The following TTC39C variants were observed in gnomAD, a reference collection of about 807,000 sequenced individuals.
The protein encoded by TTC39C is tetratricopeptide repeat domain 39C, also known as tetratricopeptide repeat protein 39C.
TTC39C carries 33 observed loss-of-function variants against 76.3 expected under a neutral mutation model. The observed-to-expected ratio is 0.43, with a 90% CI of 0.33 to 0.58. The LOEUF (loss-of-function observed/expected upper bound fraction) is 0.58, where lower values mean the gene tolerates loss of function less well. Among genes scored for constraint, TTC39C ranks in the 20% least tolerant of loss-of-function variants. The probability of loss-of-function intolerance (pLI) is 0.04; values close to 1 mark genes in which losing one functional copy is unlikely to be tolerated. For synonymous variants in TTC39C, 254 were observed against 260.6 expected (o/e 0.97, Z 0.24); for missense variants, 595 against 701.4 (o/e 0.85, Z 1.71).
intron 8 of TTC39C, among the ~76,000 whole-genome samples, chr18:24,123,149 G>A (rs1424288698): frequency 1.3e-5 from 2 of 152,052 alleles, no homozygotes; most frequent in Non-Finnish European, 2.9e-5. Flanking sequence ...TGATCCTCGG[G>A]GCTCTTCATT....
intron 2 of TTC39C, among the ~76,000 whole-genome samples, chr18:24,065,318 C>G (rs1160228799): frequency 6.6e-6 from 1 of 152,162 alleles, no homozygotes; most frequent in Non-Finnish European, 1.5e-5. Flanking sequence ...TTCCAAGAAC[C>G]AGGTATCCCG....
At chr18:23,997,277 G>A (rs2083269097) in intron 1 of TTC39C, among the ~76,000 whole-genome samples, 1 of 151,256 alleles carries the variant, frequency 6.6e-6, no homozygotes, top group South Asian at 2.1e-4. Flanking sequence ...AAGGCCAGGT[G>A]CAGTGGCTCA....
chr18:24,132,498 G>T lies in TTC39C; in HGVS notation c.1676G>T (p.Gly559Val), dbSNP rs1180955771. 5.0e-6 allele frequency: 8 copies of T among 1,613,908 alleles called. No homozygotes were observed. Among genetic ancestry groups the T allele is most frequent in the Non-Finnish European group, 5.9e-6 (7 of 1,179,976 alleles). ...TTGATCTTACAGGAGGATTTCTCTG[G>T]CTACGACTTTGAAAACAGATTGCAT... is the stretch of plus-strand genomic sequence containing the variant. ...LLLQAKEDFSGYDFENRLHVR... is the reference protein window; with the variant it reads ...LLLQAKEDFSVYDFENRLHVR... Residue 559 changes from glycine to valine, a missense_variant, in exon 14 of 14, where the codon GGC (glycine) becomes GTC (valine). Gly to Val is a moderately radical substitution (Grantham distance 109, BLOSUM62 -3). Transcript: ENST00000317571.
chr18:24,075,437 A>G (rs1285771036), intron 4 of TTC39C, among the ~76,000 whole-genome samples: 1 of 152,120 alleles, frequency 6.6e-6, no homozygotes, highest in Admixed American at 6.5e-5. Flanking sequence ...GGCTCCTAGC[A>G]CTTTGGGAGG....
intron 4 of TTC39C, among the ~76,000 whole-genome samples, chr18:24,075,810 G>A (rs555734818): frequency 1.6e-4 from 24 of 151,960 alleles, no homozygotes; most frequent in African/African-American, 5.5e-4. Flanking sequence ...TTTAATAGAT[G>A]CTTGCACCAG....
At chr18:24,000,694 A>G (rs1002801363) in intron 1 of TTC39C, 1 of 152,226 alleles carries the variant, frequency 6.6e-6, no homozygotes, top group East Asian at 1.9e-4. Flanking sequence ...CTGTGCAGTC[A>G]CACAGTCACA....
At chr18:24,073,545 A>G (rs980629619) in intron 4 of TTC39C, among the ~76,000 whole-genome samples, 4 of 150,904 alleles carry the variant, frequency 2.7e-5, no homozygotes, top group African/African-American at 9.7e-5. Flanking sequence ...TTTTTTTTTA[A>G]GAGGCAAGGT....
chr18:24,009,930 A>G (rs1308696079), upstream of TTC39C, among the ~76,000 whole-genome samples: 1 of 152,246 alleles, frequency 6.6e-6, no homozygotes, highest in Admixed American at 6.5e-5. Flanking sequence ...GTGTCCTCTC[A>G]GAGACACACA....
At chr18:24,058,950 A>G (rs1043798983) in intron 1 of TTC39C, among the ~76,000 whole-genome samples, 2 of 152,136 alleles carry the variant, frequency 1.3e-5, no homozygotes, top group Non-Finnish European at 2.9e-5. Context: ...GATTTTGGCC[A>G]TCTTTTTAGG....
intron 4 of TTC39C, among the ~76,000 whole-genome samples, chr18:24,070,546 C>A (rs890175448): frequency 1.6e-4 from 25 of 152,122 alleles, no homozygotes; most frequent in Admixed American, 1.5e-3. Flanking sequence ...CTAATTTTAA[C>A]CATTAAGAAA....
chr18:24,063,468 C>G (rs1172595906), intron 1 of TTC39C, among the ~76,000 whole-genome samples: 3 of 148,050 alleles, frequency 2.0e-5, no homozygotes, highest in African/African-American at 5.0e-5. Context: ...TGAATAATAA[C>G]TGTCTTTCTT....
chr18:24,082,225 A>G (rs1412021763), intron 5 of TTC39C, among the ~76,000 whole-genome samples: 3 of 151,268 alleles, frequency 2.0e-5, no homozygotes, highest in African/African-American at 4.9e-5. Context: ...TTAAATAATG[A>G]GTTTGGAGCA....
intron 4 of TTC39C, among the ~76,000 whole-genome samples, chr18:24,072,561 T>C (rs1464325990): frequency 1.3e-5 from 2 of 152,246 alleles, no homozygotes; most frequent in Non-Finnish European, 2.9e-5. Context: ...TCTCCCAAAG[T>C]GCTGGGATTG....
chr18:24,108,202 A>G (rs1764089456), intron 6 of TTC39C, among the ~76,000 whole-genome samples: 1 of 152,174 alleles, frequency 6.6e-6, no homozygotes, highest in Non-Finnish European at 1.5e-5. Context: ...TGACACCAAC[A>G]TTATTTTCAC....
chr18:24,086,540 T>G (rs561516127), intron 6 of TTC39C, among the ~76,000 whole-genome samples: 119 of 152,336 alleles, frequency 7.8e-4, no homozygotes, highest in African/African-American at 2.6e-3. Flanking sequence ...CTTGGCTGTT[T>G]TCTGTTATGG....
rs1426896337 is a variant in TTC39C at position 24,037,615 on chromosome 18, C to A, written c.167+22577C>A. ...GTTGGGTGAGACTCCAAATTGATAT[C>A]TCTCACTTATTTTAAGGCTTGCATA... On this transcript the variant is annotated intron_variant, in intron 1 of 13. Transcript: ENST00000317571. Among the ~76,000 whole-genome samples, 11 of 152,302 alleles carry A rather than the reference C, an allele frequency of 7.2e-5. No individual in the cohort carries two copies. The East Asian group carries it at 1.9e-3, about 27-fold the overall frequency.
chr18:24,053,251 G>C lies in TTC39C; in HGVS notation c.168-10889G>C, dbSNP rs368298805. On this transcript the variant is annotated intron_variant, in intron 1 of 13. Coordinates refer to ENST00000317571, the MANE Select transcript of TTC39C (RefSeq NM_001135993.2). Reference sequence around the variant, plus strand: ...CTGAGGGAATAGGTTGCTTTTCTTAGACCTTTGATGTAGAGTTTCCCATTT... The same window carrying C: ...CTGAGGGAATAGGTTGCTTTTCTTACACCTTTGATGTAGAGTTTCCCATTT... Among the ~76,000 whole-genome samples, 3 of 152,178 alleles carry C rather than the reference G, an allele frequency of 2.0e-5. No individual in the cohort carries two copies. The East Asian group carries it at 5.8e-4, about 29-fold the overall frequency.
chr18:24,116,553 A>G (rs1355529232), intron 7 of TTC39C, among the ~76,000 whole-genome samples: 2 of 152,160 alleles, frequency 1.3e-5, no homozygotes, highest in Non-Finnish European at 2.9e-5. Flanking sequence ...TTTCCAAAAA[A>G]AGCCCAAATT....
chr18:24,132,301 C>T (rs1568449617), intron 13 of TTC39C, among the ~76,000 whole-genome samples, 184 bp from the exon 14 acceptor site: 3 of 152,108 alleles, frequency 2.0e-5, no homozygotes, highest in Admixed American at 6.6e-5. Context: ...ATTCAGTTGA[C>T]GTTTTTAAAA....
Sources: gnomAD v4.1 joint callset for allele counts (sites outside exome capture counted in the v4.1 genomes callset) on GRCh38, gnomAD v4.1.1 for gene constraint, MANE v1.5 for transcripts, NCBI Gene and HGNC (gene_info 2026-07-23, HGNC 2026-07-21) for gene names.